PRKG1: variants seen among roughly 807,000 people sequenced by gnomAD.
PRKG1 encodes cGMP-dependent protein kinase 1.
A neutral mutation model predicts 88.1 loss-of-function variants in PRKG1; 35 were observed. The ratio of observed to expected loss-of-function variants is 0.40; its 90% CI spans 0.30 to 0.53. The LOEUF (loss-of-function observed/expected upper bound fraction) is 0.53. Among genes scored for constraint, PRKG1 ranks in the 20% least tolerant of loss-of-function variants. The pLI is 0.59. For synonymous variants in PRKG1, 303 were observed against 292.5 expected, an observed-to-expected ratio of 1.04 and a Z score of -0.37; for missense variants, 540 against 839.8, an observed-to-expected ratio of 0.64 and a Z score of 4.41.
At chr10:52,028,352 C>G (rs1470360881) in intron 5 of PRKG1, among the ~76,000 whole-genome samples, 1 of 152,204 alleles carries the variant, frequency 6.6e-6, no homozygotes, top group Non-Finnish European at 1.5e-5. Context: ...GTGCCTTTAA[C>G]TTCCAACAAG....
chr10:51,653,724 G>A (rs1276141819), intron 3 of PRKG1, among the ~76,000 whole-genome samples: 3 of 151,892 alleles, frequency 2.0e-5, no homozygotes, highest in African/African-American at 7.3e-5. Context: ...GTATCACCAT[G>A]CCTGGCTAAT....
intron 3 of PRKG1, among the ~76,000 whole-genome samples, chr10:51,560,118 G>A (rs1837420516): frequency 6.6e-6 from 1 of 152,038 alleles, no homozygotes; most frequent in South Asian, 2.1e-4. Context: ...TCCATATTAT[G>A]TTCAATACCT....
intron 3 of PRKG1, among the ~76,000 whole-genome samples, chr10:51,628,139 TC>T (rs1383831676): frequency 6.8e-5 from 1 of 14,656 alleles, no homozygotes; most frequent in Non-Finnish European, 4.7e-4. Context: ...TTTCTTTCTT[TC>T]TTTCTTTCTT....
chr10:51,508,841 A>G (rs576015800), intron 3 of PRKG1, among the ~76,000 whole-genome samples: 246 of 152,316 alleles, frequency 1.6e-3, no homozygotes, highest in Non-Finnish European at 2.9e-3. Flanking sequence ...TGGAAGCAAT[A>G]GAAGGGGGAA....
At chr10:51,649,715 G>T (rs1564589646) in intron 3 of PRKG1, among the ~76,000 whole-genome samples, 1 of 152,162 alleles carries the variant, frequency 6.6e-6, no homozygotes, top group Non-Finnish European at 1.5e-5. Flanking sequence ...ACACTCTATA[G>T]TGTGGGTGCA....
chr10:51,873,554 G>GT (rs1841212644), intron 4 of PRKG1, among the ~76,000 whole-genome samples: 1 of 141,256 alleles, frequency 7.1e-6, no homozygotes, highest in Admixed American at 7.2e-5. Flanking sequence ...TTGAGACGGA[G>GT]TCTTGCTCTG....
At chr10:51,745,584 G>A (rs1483460328) in intron 3 of PRKG1, among the ~76,000 whole-genome samples, 4 of 152,118 alleles carry the variant, frequency 2.6e-5, no homozygotes, top group African/African-American at 9.7e-5. Flanking sequence ...TCATTTGTGT[G>A]TCTTAGGTAA....
At position 52,125,473 on chromosome 10, in the gene PRKG1, A is replaced by G. The variant is rs142911759; in HGVS notation, c.936-8367A>G. Reference sequence around the variant, plus strand: ...TATCTGATTGCATGCTATTTGATCAATGTTTCCATTAGAGTAGCCCTCACT... The same window carrying G: ...TATCTGATTGCATGCTATTTGATCAGTGTTTCCATTAGAGTAGCCCTCACT... On this transcript the variant is annotated intron_variant, in intron 7 of 17. Coordinates refer to ENST00000373980, the MANE Select transcript of PRKG1 (RefSeq NM_006258.4). 3.9e-4 allele frequency among the ~76,000 whole-genome samples: 60 copies of G among 152,270 alleles called. No individual in the cohort carries two copies. In the East Asian group the frequency reaches 9.9e-3, roughly 25 times the overall value.
intron 3 of PRKG1, among the ~76,000 whole-genome samples, chr10:51,789,191 T>C (rs889935535): frequency 1.3e-5 from 2 of 152,234 alleles, no homozygotes; most frequent in South Asian, 2.1e-4. Flanking sequence ...ATACTCATTT[T>C]CCTAATGAGG....
intron 1 of PRKG1, among the ~76,000 whole-genome samples, chr10:51,050,782 G>C (rs1041991639): frequency 1.3e-5 from 2 of 152,036 alleles, no homozygotes; most frequent in Admixed American, 1.3e-4. Context: ...TCCACCAACA[G>C]GGTTACAATT....
chr10:51,628,264 G>A (rs1034537323), intron 3 of PRKG1, among the ~76,000 whole-genome samples: 4 of 150,992 alleles, frequency 2.6e-5, no homozygotes, highest in Non-Finnish European at 5.9e-5. Context: ...CGACCTCCCA[G>A]GCTGAATCTA....
rs188781857 is a variant in PRKG1 at position 51,255,175 on chromosome 10, T to C, written c.478+101845T>C. Among the ~76,000 whole-genome samples the C allele has an allele frequency of 7.4e-4, 113 of 152,230 alleles. 1 individual carries two copies. The Middle Eastern group carries it at 0.017, about 23-fold the overall frequency. On this transcript the variant is annotated intron_variant, in intron 2 of 17. Coordinates refer to ENST00000373980, the MANE Select transcript of PRKG1 (RefSeq NM_006258.4). ...TACAGAATTTTAAGAATATAAATAA[T>C]TTGTGGAATTCAATTTCTACATATG...
At chr10:51,484,988 C>A (rs1475943071) in intron 3 of PRKG1, among the ~76,000 whole-genome samples, 2 of 152,076 alleles carry the variant, frequency 1.3e-5, no homozygotes, top group Admixed American at 6.6e-5. Context: ...TAGGTAGTTG[C>A]AAAATCCAAA....
chr10:52,244,719 TA>T (rs969514553), intron 9 of PRKG1, among the ~76,000 whole-genome samples: 1 of 145,006 alleles, frequency 6.9e-6, no homozygotes, highest in African/African-American at 2.5e-5. Flanking sequence ...AATAATACTT[TA>T]AAAATATATA....
intron 8 of PRKG1, among the ~76,000 whole-genome samples, chr10:52,155,098 C>T (rs1011313748): frequency 3.3e-5 from 5 of 152,104 alleles, no homozygotes; most frequent in Non-Finnish European, 7.4e-5. Flanking sequence ...CGGTTACAAA[C>T]ATGCATGTGC....
intron 2 of PRKG1, among the ~76,000 whole-genome samples, chr10:51,266,224 T>C (rs753462752): frequency 6.6e-6 from 1 of 152,114 alleles, no homozygotes; most frequent in Non-Finnish European, 1.5e-5. Context: ...TTTTGTTTAA[T>C]AGGCAGTGGG....
intron 3 of PRKG1, among the ~76,000 whole-genome samples, chr10:51,793,188 C>T (rs1305618512): frequency 2.5e-5 from 2 of 79,310 alleles, no homozygotes; most frequent in African/African-American, 5.0e-5. Context: ...AACAGAAAAA[C>T]AATATGACCA....
At chr10:51,479,818 T>TAC (rs1840304136) in intron 3 of PRKG1, among the ~76,000 whole-genome samples, 1 of 152,218 alleles carries the variant, frequency 6.6e-6, no homozygotes, top group East Asian at 1.9e-4. Context: ...TCAACAGTAA[T>TAC]ACATGTGTGG....
At chr10:51,504,379 T>C (rs887045754) in intron 3 of PRKG1, among the ~76,000 whole-genome samples, 11 of 152,164 alleles carry the variant, frequency 7.2e-5, no homozygotes, top group African/African-American at 2.2e-4. Flanking sequence ...TGTAGCCTTG[T>C]AGTATAGTTT....
Sources: gnomAD v4.1 joint callset for allele counts (sites outside exome capture counted in the v4.1 genomes callset) on GRCh38, gnomAD v4.1.1 for gene constraint, MANE v1.5 for transcripts, NCBI Gene and HGNC (gene_info 2026-07-23, HGNC 2026-07-21) for gene names.